Variants in SLC24A3 observed in about 807,000 individuals in gnomAD.
SLC24A3 encodes the protein sodium/potassium/calcium exchanger 3.
SLC24A3 carries 28 observed loss-of-function variants against 75.8 expected under a neutral mutation model. The ratio of observed to expected loss-of-function variants is 0.37; its 90% CI spans 0.27 to 0.51. SLC24A3 has a LOEUF of 0.51. Among genes scored for constraint, SLC24A3 ranks in the 20% least tolerant of loss-of-function variants. SLC24A3 has a pLI of 0.94. For synonymous variants in SLC24A3, 372 were observed against 334.1 expected, an observed-to-expected ratio of 1.11 and a Z score of -1.24; for missense variants, 663 against 847.8, an observed-to-expected ratio of 0.78 and a Z score of 2.71.
intron 6 of SLC24A3, among the ~76,000 whole-genome samples, chr20:19,617,763 T>C (rs2031754341): frequency 6.6e-6 from 1 of 152,098 alleles, no homozygotes. Flanking sequence ...TTTCTGCCTG[T>C]CACAGCAGCA....
At chr20:19,443,366 T>G (rs1356949953) in intron 2 of SLC24A3, among the ~76,000 whole-genome samples, 1 of 140,652 alleles carries the variant, frequency 7.1e-6, no homozygotes, top group Non-Finnish European at 1.5e-5. Context: ...TATCAGAGTT[T>G]TATATTTTTA....
intron 1 of SLC24A3, among the ~76,000 whole-genome samples, chr20:19,236,499 C>T (rs1334030672): frequency 6.6e-6 from 1 of 152,084 alleles, no homozygotes; most frequent in Non-Finnish European, 1.5e-5. Context: ...TGCCTATAAT[C>T]CTAGTACTTC....
At chr20:19,641,371 C>G (rs2032073550) in intron 6 of SLC24A3, among the ~76,000 whole-genome samples, 1 of 152,180 alleles carries the variant, frequency 6.6e-6, no homozygotes, top group South Asian at 2.1e-4. Context: ...TTCCACACAT[C>G]TTGTTTTATG....
At chr20:19,318,925 T>A (rs1241395203) in intron 2 of SLC24A3, among the ~76,000 whole-genome samples, 5 of 152,134 alleles carry the variant, frequency 3.3e-5, no homozygotes, top group Admixed American at 6.5e-5. Flanking sequence ...CCTTTTGAGA[T>A]AGCATCTTTA....
At chr20:19,293,100 G>A (rs8121292) in intron 2 of SLC24A3, among the ~76,000 whole-genome samples, 79,137 of 152,042 alleles carry the variant, frequency 0.52, 22,981 homozygotes, top group African/African-American at 0.78. Context: ...CCTTGCATCC[G>A]TAGGACCATT....
intron 15 of SLC24A3, among the ~76,000 whole-genome samples, chr20:19,713,387 C>G (rs189952613): frequency 6.6e-6 from 1 of 152,290 alleles, no homozygotes; most frequent in Admixed American, 6.5e-5. Flanking sequence ...GTACATTGGG[C>G]AGAGACCACA....
At chr20:19,271,076 G>A (rs552724552) in intron 1 of SLC24A3, among the ~76,000 whole-genome samples, 4 of 152,172 alleles carry the variant, frequency 2.6e-5, no homozygotes, top group Non-Finnish European at 4.4e-5. Context: ...TTTGAGCAGA[G>A]AACTCCTGGG....
chr20:19,281,139 G>T, intron 2 of SLC24A3, 52 bp downstream of exon 2: 3 of 1,600,040 alleles, frequency 1.9e-6, no homozygotes, highest in Non-Finnish European at 8.6e-7. Flanking sequence ...TCTGGCTATG[G>T]CTGAGGAAGA....
At chr20:19,433,000 A>G (rs188839757) in intron 2 of SLC24A3, among the ~76,000 whole-genome samples, 5 of 152,350 alleles carry the variant, frequency 3.3e-5, no homozygotes, top group African/African-American at 1.2e-4. Flanking sequence ...AACCTCGGGC[A>G]TAAATGGGTT....
At chr20:19,271,920 C>T (rs1008383686) in intron 1 of SLC24A3, among the ~76,000 whole-genome samples, 4 of 152,176 alleles carry the variant, frequency 2.6e-5, no homozygotes, top group African/African-American at 4.8e-5. Flanking sequence ...TCATAAATTA[C>T]CATTAAAAAT....
chr20:19,357,987 A>G (rs1379605723), intron 2 of SLC24A3, among the ~76,000 whole-genome samples: 2 of 152,164 alleles, frequency 1.3e-5, no homozygotes, highest in East Asian at 1.9e-4. Flanking sequence ...ATCACTTACC[A>G]TTTACCACTT....
intron 15 of SLC24A3, among the ~76,000 whole-genome samples, chr20:19,699,565 G>A (rs2032848826): frequency 6.6e-6 from 1 of 152,170 alleles, no homozygotes; most frequent in Non-Finnish European, 1.5e-5. Flanking sequence ...ATCTTATGTG[G>A]GAATTATTTT....
chr20:19,466,960 C>G (rs111995252), intron 2 of SLC24A3, among the ~76,000 whole-genome samples: 1,722 of 152,268 alleles, frequency 0.011, 13 homozygotes, highest in South Asian at 0.031. Context: ...GACCTCTGAG[C>G]TTGCATTCTA....
At position 19,338,902 on chromosome 20, in the gene SLC24A3, C is replaced by T. The variant is rs140303701; in HGVS notation, c.271+57815C>T. On this transcript the variant is annotated intron_variant, in intron 2 of 16. Coordinates refer to ENST00000328041, the MANE Select transcript of SLC24A3 (RefSeq NM_020689.4). The stretch of plus-strand genomic sequence containing the variant: ...CCCCACCATATATGACGAGTTTCAC[C>T]TCTTCAAAGGAGTCTCTATTACCTT... 2.7e-3 allele frequency among the ~76,000 whole-genome samples: 411 copies of T among 152,250 alleles called. 16 individuals carry two copies. The highest frequency in any genetic ancestry group is 0.026 in the Admixed American group (399 of 15,298).
intron 6 of SLC24A3, among the ~76,000 whole-genome samples, chr20:19,602,180 A>C (rs1417267097): frequency 6.6e-6 from 1 of 152,214 alleles, no homozygotes; most frequent in Non-Finnish European, 1.5e-5. Context: ...GTCTCAAATA[A>C]ATAAATAAGT....
intron 6 of SLC24A3, among the ~76,000 whole-genome samples, chr20:19,591,964 A>G (rs1417637042): frequency 3.9e-5 from 6 of 152,192 alleles, no homozygotes; most frequent in Non-Finnish European, 7.3e-5. Context: ...CATTTCTTTC[A>G]GGTAAATAAC....
rs868002576 is a variant in SLC24A3, at chr20:19,522,700, G to A, written c.348+7136G>A. Among the ~76,000 whole-genome samples, 24 of 152,232 alleles carry A rather than the reference G, an allele frequency of 1.6e-4. No homozygotes were observed. The Middle Eastern group carries it at 0.01, about 65-fold the overall frequency. On this transcript the variant is annotated intron_variant, in intron 3 of 16. Coordinates refer to ENST00000328041, the MANE Select transcript of SLC24A3 (RefSeq NM_020689.4). ...TCAGACGGAGCTGCCCTCCTTGTGA[G>A]CAACAGAACGGGGTGGCGCAGGAGG...
At chr20:19,449,641 G>C (rs1007737090) in intron 2 of SLC24A3, among the ~76,000 whole-genome samples, 1 of 152,200 alleles carries the variant, frequency 6.6e-6, no homozygotes, top group Non-Finnish European at 1.5e-5. Context: ...TTCAAAAGGG[G>C]CTGGCAGATG....
chr20:19,250,558 C>T (rs1395104036), intron 1 of SLC24A3, among the ~76,000 whole-genome samples: 1 of 152,208 alleles, frequency 6.6e-6, no homozygotes, highest in African/African-American at 2.4e-5. Flanking sequence ...AATCAGATGT[C>T]TTTGCCTGGA....
Sources: gnomAD v4.1 joint callset for allele counts (sites outside exome capture counted in the v4.1 genomes callset) on GRCh38, gnomAD v4.1.1 for gene constraint, MANE v1.5 for transcripts, NCBI Gene and HGNC (gene_info 2026-07-23, HGNC 2026-07-21) for gene names.